The following ATG7 variants were observed in gnomAD, a reference collection of about 807,000 sequenced individuals.
ATG7 encodes ubiquitin-like modifier-activating enzyme ATG7.
A neutral mutation model predicts 82.4 loss-of-function variants in ATG7; 70 were observed. That is an observed-to-expected ratio of 0.85 (90% confidence interval 0.70 to 1.04). ATG7 has a LOEUF of 1.04. ATG7 is among the 50% of genes least tolerant of loss of function. The probability of loss-of-function intolerance (pLI) is 0.00; values close to 1 mark genes in which losing one functional copy is unlikely to be tolerated. For synonymous variants in ATG7, 287 were observed against 313.0 expected (o/e 0.92, Z 0.88); for missense variants, 792 against 864.3 (o/e 0.92, Z 1.05).
chr3:11,289,282 A>G (rs865864617), intron 3 of ATG7, among the ~76,000 whole-genome samples: 3 of 152,198 alleles, frequency 2.0e-5, no homozygotes, highest in South Asian at 4.1e-4. Context: ...AACTCTGTCT[A>G]TGACTCACTT....
intron 18 of ATG7, among the ~76,000 whole-genome samples, chr3:11,372,223 C>T (rs760570049): frequency 6.6e-6 from 1 of 151,078 alleles, no homozygotes; most frequent in Non-Finnish European, 1.5e-5. Flanking sequence ...TGGGATTCTT[C>T]TAGGCTCTGT....
intron 20 of ATG7, among the ~76,000 whole-genome samples, chr3:11,545,864 C>A (rs2071237347): frequency 3.3e-5 from 5 of 150,982 alleles, no homozygotes; most frequent in Admixed American, 3.3e-4. Flanking sequence ...GGGGTTAGCA[C>A]CCCCATACCC....
intron 20 of ATG7, among the ~76,000 whole-genome samples, chr3:11,441,153 G>A (rs971532906): frequency 1.2e-4 from 18 of 152,148 alleles, no homozygotes; most frequent in Non-Finnish European, 2.5e-4. Flanking sequence ...AAGCATCTGT[G>A]TTTATCCTAC....
At chr3:11,350,968 T>C (rs1247778413) in intron 14 of ATG7, among the ~76,000 whole-genome samples, 2 of 149,916 alleles carry the variant, frequency 1.3e-5, no homozygotes, top group African/African-American at 2.5e-5. Context: ...CAATCTATCG[T>C]TGGAGAGTAT....
chr3:11,505,189 C>G (rs1237473918), intron 20 of ATG7, among the ~76,000 whole-genome samples: 1 of 152,098 alleles, frequency 6.6e-6, no homozygotes, highest in Non-Finnish European at 1.5e-5. Flanking sequence ...CAAGTGAAAA[C>G]GTTTTAAAAA....
At chr3:11,500,663 C>T (rs57092749) in intron 20 of ATG7, among the ~76,000 whole-genome samples, 30,625 of 152,038 alleles carry the variant, frequency 0.2, 3,540 homozygotes, top group South Asian at 0.34. Context: ...GTTTGTTTGT[C>T]TGAGACGGAG....
Position 11,450,997 on chromosome 3 carries a change from CCT to C in ATG7, c.2079+24072_2079+24073del, listed in dbSNP as rs558148972. Among the ~76,000 whole-genome samples, 416 of 152,264 alleles carry C rather than the reference CCT, an allele frequency of 2.7e-3. 4 individuals carry two copies. Among genetic ancestry groups the C allele is most frequent in the Admixed American group, 5.5e-3 (84 of 15,294 alleles). Reference sequence around the variant, plus strand: ...AGAGAGACCTTAGTATATTGCCTTGCCTGTACCAAATACAGTCATTATGGCAC... The same window carrying C: ...AGAGAGACCTTAGTATATTGCCTTGCGTACCAAATACAGTCATTATGGCAC... On this transcript the variant is annotated intron_variant, in intron 20 of 20. Transcript: ENST00000693202.
At chr3:11,403,462 C>T (rs1251261128) in intron 19 of ATG7, among the ~76,000 whole-genome samples, 5 of 152,010 alleles carry the variant, frequency 3.3e-5, no homozygotes, top group African/African-American at 9.7e-5. Flanking sequence ...GGAGGGATAG[C>T]TTGTCTGATT....
chr3:11,344,874 A>G (rs1483895332), intron 13 of ATG7, among the ~76,000 whole-genome samples: 1 of 152,072 alleles, frequency 6.6e-6, no homozygotes, highest in Non-Finnish European at 1.5e-5. Flanking sequence ...GTCTCAATCA[A>G]CCGATCAATT....
chr3:11,374,430 C>G (rs1238763988), intron 18 of ATG7, among the ~76,000 whole-genome samples: 1 of 152,154 alleles, frequency 6.6e-6, no homozygotes, highest in South Asian at 2.1e-4. Flanking sequence ...AAAAAATTAA[C>G]TCAAAATAGA....
chr3:11,445,807 T>C (rs1231012658), intron 20 of ATG7, among the ~76,000 whole-genome samples: 1 of 152,208 alleles, frequency 6.6e-6, no homozygotes, highest in Non-Finnish European at 1.5e-5. Context: ...CTTGCCAGAA[T>C]CTTGGTACTG....
intron 20 of ATG7, among the ~76,000 whole-genome samples, chr3:11,500,422 A>T (rs1159716228): frequency 6.6e-6 from 1 of 151,990 alleles, no homozygotes; most frequent in Admixed American, 6.6e-5. Flanking sequence ...TAGAAGTAAC[A>T]ATAACATATC....
intron 20 of ATG7, among the ~76,000 whole-genome samples, chr3:11,537,037 C>T (rs575877576): frequency 7.2e-5 from 11 of 152,180 alleles, no homozygotes; most frequent in Admixed American, 2.0e-4. Flanking sequence ...GGCCCCTCTC[C>T]GCGGACCCTC....
the ATG7 span, among the ~76,000 whole-genome samples, chr3:11,563,230 C>T: frequency 7.2e-5 from 11 of 152,248 alleles, no homozygotes; most frequent in African/African-American, 2.4e-4. Context: ...TCCGAGATTA[C>T]AGCTGAATCC....
intron 6 of ATG7, chr3:11,308,773 A>G: frequency 1.7e-6 from 1 of 588,806 alleles, no homozygotes; most frequent in East Asian, 2.8e-5. Flanking sequence ...GGGTTCCCTC[A>G]CTTGGCTTAG....
intron 5 of ATG7, among the ~76,000 whole-genome samples, chr3:11,303,506 A>G (rs1014652898): frequency 1.2e-4 from 18 of 151,842 alleles, no homozygotes; most frequent in South Asian, 4.2e-4. Context: ...CGTCTCTACT[A>G]AAAACACAAA....
chr3:11,321,545 G>C (rs1950225676), intron 9 of ATG7, among the ~76,000 whole-genome samples: 1 of 152,176 alleles, frequency 6.6e-6, no homozygotes. Flanking sequence ...GGGAATGGAA[G>C]CCTCTTCAAA....
the ATG7 span, among the ~76,000 whole-genome samples, chr3:11,562,721 G>C: frequency 6.6e-6 from 1 of 152,240 alleles, no homozygotes; most frequent in Non-Finnish European, 1.5e-5. Flanking sequence ...AGCAGCCACG[G>C]CAAGGAGGGC....
At chr3:11,356,306 C>T (rs188258070) in intron 14 of ATG7, among the ~76,000 whole-genome samples, 5 of 152,232 alleles carry the variant, frequency 3.3e-5, no homozygotes, top group Admixed American at 3.3e-4. Context: ...TAAATTATAC[C>T]TCAACTTGGC....
Sources: gnomAD v4.1 joint callset for allele counts (sites outside exome capture counted in the v4.1 genomes callset) on GRCh38, gnomAD v4.1.1 for gene constraint, MANE v1.5 for transcripts, NCBI Gene and HGNC (gene_info 2026-07-23, HGNC 2026-07-21) for gene names.